SLC37A1: variants seen among roughly 807,000 people sequenced by gnomAD.
SLC37A1 encodes solute carrier family 37 member 1.
In SLC37A1, 49 loss-of-function variants were observed where a neutral mutation model predicts 75.3. The observed-to-expected ratio is 0.65, with a 90% CI of 0.52 to 0.83. The LOEUF (loss-of-function observed/expected upper bound fraction) is 0.83. SLC37A1 is among the 40% of genes least tolerant of loss of function. The probability of loss-of-function intolerance (pLI) is 0.00; values close to 1 mark genes in which losing one functional copy is unlikely to be tolerated. For missense variants in SLC37A1, 566 were observed against 695.0 expected (o/e 0.81, Z 2.09); for synonymous variants, 268 against 292.1 (o/e 0.92, Z 0.84).
intron 10 of SLC37A1, among the ~76,000 whole-genome samples, chr21:42,554,983 T>TTG (rs2055650154): frequency 0.019 from 1,901 of 99,790 alleles, 18 homozygotes; most frequent in African/African-American, 0.09. Flanking sequence ...TGGTTGGTTG[T>TTG]TTTTTTTTTT....
intron 4 of SLC37A1, 84 bp downstream of exon 4, chr21:42,534,914 G>A (rs2055095105): frequency 6.7e-7 from 1 of 1,488,678 alleles, no homozygotes; most frequent in Admixed American, 2.2e-5. Context: ...CAGTAATGCT[G>A]TTCCCAGATG....
intron 7 of SLC37A1, 77 bp from the exon 8 acceptor site, chr21:42,543,359 A>G (rs2055329102): frequency 1.3e-6 from 2 of 1,554,508 alleles, no homozygotes; most frequent in Non-Finnish European, 8.9e-7. Context: ...CTTTGCAGGC[A>G]CTGCTGCGCC....
Position 42,562,059 on chromosome 21 carries a change from T to C in SLC37A1, c.982-19T>C, listed in dbSNP as rs202128302. On this transcript the variant is annotated intron_variant, in intron 11 of 19. Coordinates refer to ENST00000352133, the MANE Select transcript of SLC37A1 (RefSeq NM_001320537.2). ...TGACTCCACATTTGGAGGAGACGCC[T>C]GACTGCTCTCTCTTTCAGGGCGTGA... is the stretch of plus-strand genomic sequence containing the variant. 1.9e-5 allele frequency: 31 copies of C among 1,609,626 alleles called. No homozygotes were observed. The East Asian group carries it at 6.5e-4, about 34-fold the overall frequency.
chr21:42,560,707 G>A (rs919076976), intron 11 of SLC37A1, among the ~76,000 whole-genome samples: 1 of 152,246 alleles, frequency 6.6e-6, no homozygotes, highest in Non-Finnish European at 1.5e-5. Context: ...AAAGGGCTGT[G>A]CATGCTGGCC....
intron 5 of SLC37A1, among the ~76,000 whole-genome samples, chr21:42,537,008 G>A (rs2055156804): frequency 6.6e-6 from 1 of 152,144 alleles, no homozygotes; most frequent in African/African-American, 2.4e-5. Context: ...TTACCGCCTG[G>A]AGAAACCCAG....
chr21:42,508,431 A>G (rs1043132370), intron 2 of SLC37A1, among the ~76,000 whole-genome samples: 1 of 152,144 alleles, frequency 6.6e-6, no homozygotes, highest in Admixed American at 6.5e-5. Context: ...GCCTGGCCTA[A>G]GAGTATGTCT....
At chr21:42,537,874 C>T (rs2056060666) in intron 5 of SLC37A1, among the ~76,000 whole-genome samples, 1 of 152,170 alleles carries the variant, frequency 6.6e-6, no homozygotes, top group Non-Finnish European at 1.5e-5. Flanking sequence ...CAGTCCCTAC[C>T]TGAGGTCTCA....
chr21:42,574,048 T>A (rs780540702), intron 17 of SLC37A1, among the ~76,000 whole-genome samples: 26 of 152,084 alleles, frequency 1.7e-4, no homozygotes, highest in Non-Finnish European at 3.1e-4. Context: ...CACACACACA[T>A]ATATGCACAC....
upstream of SLC37A1, among the ~76,000 whole-genome samples, chr21:42,510,825 T>C (rs2054426028): frequency 6.6e-6 from 1 of 152,204 alleles, no homozygotes. Context: ...TATAAATGTA[T>C]ATGCACCCAA....
intron 17 of SLC37A1, among the ~76,000 whole-genome samples, chr21:42,571,243 C>A (rs900115730): frequency 7.2e-5 from 11 of 152,214 alleles, no homozygotes; most frequent in Admixed American, 2.0e-4. Context: ...GTGTCACTGT[C>A]CACTCCTTGG....
chr21:42,507,916 G>C (rs1257894499), intron 2 of SLC37A1, among the ~76,000 whole-genome samples: 2 of 152,132 alleles, frequency 1.3e-5, no homozygotes, highest in Non-Finnish European at 2.9e-5. Flanking sequence ...TTCAACATGA[G>C]ATTTGGAGGG....
At position 42,554,028 on chromosome 21, in the gene SLC37A1, AGTAT is replaced by A. The variant is rs541508874; in HGVS notation, c.769-33_769-30del. On this transcript the variant is annotated intron_variant, in intron 9 of 19. Coordinates refer to ENST00000352133, the MANE Select transcript of SLC37A1 (RefSeq NM_001320537.2). ...AGGTTTAATTTCTAGCTGTTGAATC[AGTAT>A]CGCTCTAATGAAACTTTTTTTTTTA... 6.0e-5 allele frequency: 93 copies of A among 1,542,332 alleles called. No individual in the cohort carries two copies. The African/African-American group carries it at 1.2e-3, about 20-fold the overall frequency.
chr21:42,513,978 C>T lies in SLC37A1; in HGVS notation c.-918C>T, dbSNP rs1361919050. 2 of 146,922 alleles carry T rather than the reference C, an allele frequency of 1.4e-5. No individual in the cohort carries two copies. The highest frequency in any genetic ancestry group is 3.0e-5 in the Non-Finnish European group (2 of 66,194). The allele number at this position is 146,922 out of a possible 1,614,324, so 9.1% of individuals were successfully genotyped here. On this transcript the variant is annotated 5_prime_UTR_variant, in exon 1 of 20. Coordinates refer to ENST00000352133, the MANE Select transcript of SLC37A1 (RefSeq NM_001320537.2). ...GAGGCGGGGACCCCCCGCCCCCCCG[C>T]CCGCACCTGCGGGGCAGCCGGCGCT...
chr21:42,521,139 C>T (rs1047493545), intron 2 of SLC37A1, among the ~76,000 whole-genome samples: 1 of 152,196 alleles, frequency 6.6e-6, no homozygotes, highest in Admixed American at 6.5e-5. Context: ...AGGATATCTA[C>T]ATTATCTCAA....
At chr21:42,557,237 T>TG in intron 10 of SLC37A1, among the ~76,000 whole-genome samples, 1 of 152,342 alleles carries the variant, frequency 6.6e-6, no homozygotes, top group African/African-American at 2.4e-5. Context: ...TGTGAAGTCC[T>TG]GTAGCCCTCA....
intron 2 of SLC37A1, among the ~76,000 whole-genome samples, chr21:42,519,964 T>TGTG (rs1555879905): frequency 0.01 from 1,548 of 148,648 alleles, 20 homozygotes; most frequent in African/African-American, 0.036. Flanking sequence ...CACAGTGTGT[T>TGTG]TGTGTGTGTG....
Position 42,580,644 on chromosome 21 carries a change from G to C in SLC37A1, c.*284G>C. On this transcript the variant is annotated 3_prime_UTR_variant, in exon 20 of 20. Coordinates refer to ENST00000352133, the MANE Select transcript of SLC37A1 (RefSeq NM_001320537.2). Reference sequence around the variant, plus strand: ...GGCCTCACAGGCGTGTGCCCATGCAGCCACCCAAATGCACGCGTGACAACA... The same window carrying C: ...GGCCTCACAGGCGTGTGCCCATGCACCCACCCAAATGCACGCGTGACAACA... The C allele has an allele frequency of 3.8e-6, 1 of 266,058 alleles. No homozygotes were observed. The highest frequency in any genetic ancestry group is 7.2e-6 in the Non-Finnish European group (1 of 138,940). The allele number at this position is 266,058 out of a possible 1,614,324, so 16.5% of individuals were successfully genotyped here. A position where few individuals can be genotyped will look rare whatever the true frequency, so the allele number is the denominator to read the frequency against.
At chr21:42,505,854 G>C (rs927623363) in intron 2 of SLC37A1, among the ~76,000 whole-genome samples, 4 of 152,162 alleles carry the variant, frequency 2.6e-5, no homozygotes, top group African/African-American at 9.7e-5. Flanking sequence ...CTGTAGTTTT[G>C]TACCAACTAG....
intron 6 of SLC37A1, among the ~76,000 whole-genome samples, chr21:42,541,371 G>C (rs907482390): frequency 6.6e-6 from 1 of 151,962 alleles, no homozygotes; most frequent in Non-Finnish European, 1.5e-5. Context: ...GGTCAGAGCT[G>C]CCAGGCTGGC....
Sources: gnomAD v4.1 joint callset for allele counts (sites outside exome capture counted in the v4.1 genomes callset) on GRCh38, gnomAD v4.1.1 for gene constraint, MANE v1.5 for transcripts, NCBI Gene and HGNC (gene_info 2026-07-23, HGNC 2026-07-21) for gene names.